GSTO2: variants seen among roughly 807,000 people sequenced by gnomAD.
GSTO2 encodes glutathione S-transferase omega-2.
In GSTO2, 23 loss-of-function variants were observed where a neutral mutation model predicts 28.4. The ratio of observed to expected loss-of-function variants is 0.81; its 90% CI spans 0.58 to 1.15. The LOEUF is 1.15. Ranked by LOEUF, GSTO2 falls within the 50% of genes most tolerant of loss-of-function variation. The pLI is 0.00. For synonymous variants in GSTO2, 109 were observed against 111.0 expected (o/e 0.98, Z 0.11); for missense variants, 298 against 297.8 (o/e 1.00, Z 0.00).
At position 104,297,676 on chromosome 10, in the gene GSTO2, G is replaced by A; in HGVS notation, c.567G>A (p.Gly189=). 6.2e-7 allele frequency: 1 copy of A among 1,607,476 alleles called. No individual in the cohort carries two copies. The highest frequency in any genetic ancestry group is 1.1e-5 in the South Asian group (1 of 90,938). The change falls in exon 6 of 7, where the codon GGG becomes GGA. Residue 189 remains glycine (G), a synonymous_variant. Coordinates refer to ENST00000338595, the MANE Select transcript of GSTO2 (RefSeq NM_183239.2). ...GGTTTGAGCGGCTGGATGTGTATGG[G>A]ATACTGGAGTAAGACATTTGACATT... ...WPWFERLDVY[G]ILDCVSHTPA... is the part of the protein sequence containing the mutation.
Position 104,278,198 on chromosome 10 carries a change from T to C in GSTO2, c.366+82T>C, listed in dbSNP as rs1589859652. Reference sequence around the variant, plus strand: ...AACCTCAACCCATTTTAAAGCCAAATCATTGGTGAAACTGTTTTGTTTTGA... The same window carrying C: ...AACCTCAACCCATTTTAAAGCCAAACCATTGGTGAAACTGTTTTGTTTTGA... On this transcript the variant is annotated intron_variant, in intron 4 of 6. Coordinates refer to ENST00000338595, the MANE Select transcript of GSTO2 (RefSeq NM_183239.2). The C allele has an allele frequency of 6.8e-6, 7 of 1,031,968 alleles. No individual in the cohort carries two copies. In the East Asian group the frequency reaches 1.8e-4, roughly 26 times the overall value. The allele number at this position is 1,031,968 out of a possible 1,614,324, so 63.9% of individuals were successfully genotyped here.
At position 104,303,077 on chromosome 10, in the gene GSTO2, T is replaced by TTA. The variant is rs1355954534; in HGVS notation, c.*3795_*3796dup. The TTA allele has an allele frequency of 6.6e-6, 1 of 152,248 alleles. No individual in the cohort carries two copies. The highest frequency in any genetic ancestry group is 2.4e-5 in the African/African-American group (1 of 41,462). 9.4% of individuals were successfully genotyped at this position (152,248 alleles called of 1,614,324 possible). ...AGATATTAAGTCTAGTATCCATTAG[T>TTA]TATTTTTCCTGATCCTCTCCCTCCT... is the stretch of plus-strand genomic sequence containing the variant. On this transcript the variant is annotated 3_prime_UTR_variant, in exon 7 of 7. Coordinates refer to ENST00000338595, the MANE Select transcript of GSTO2 (RefSeq NM_183239.2).
chr10:104,286,605 A>G (rs1253393693), intron 5 of GSTO2, among the ~76,000 whole-genome samples: 2 of 152,130 alleles, frequency 1.3e-5, no homozygotes, highest in African/African-American at 4.8e-5. Context: ...CTAACATGCC[A>G]TTTTAGTTGT....
At position 104,297,673 on chromosome 10, in the gene GSTO2, T is replaced by C; in HGVS notation, c.564T>C (p.Tyr188=). ...CCTGGTTTGAGCGGCTGGATGTGTA[T>C]GGGATACTGGAGTAAGACATTTGAC... ...LWPWFERLDV[Y]GILDCVSHTP... Residue 188 remains tyrosine (Y), a synonymous_variant, in exon 6 of 7, where the codon TAT becomes TAC. Coordinates refer to ENST00000338595, the MANE Select transcript of GSTO2 (RefSeq NM_183239.2). 3.7e-6 allele frequency: 6 copies of C among 1,609,500 alleles called. No individual in the cohort carries two copies. Among genetic ancestry groups the C allele is most frequent in the Non-Finnish European group, 5.1e-6 (6 of 1,175,858 alleles).
At chr10:104,288,586 C>A (rs1055399408) in intron 5 of GSTO2, 1 of 152,198 alleles carries the variant, frequency 6.6e-6, no homozygotes, top group African/African-American at 2.4e-5. Context: ...TGTGGAGATA[C>A]ACTGTAGTTC....
chr10:104,298,288 C>T (rs529503023), intron 6 of GSTO2, among the ~76,000 whole-genome samples: 59 of 152,302 alleles, frequency 3.9e-4, no homozygotes, highest in Middle Eastern at 6.8e-3. Context: ...CGTGTGCGGA[C>T]GTCCACCCTA....
rs370900312 is a variant in GSTO2, at chr10:104,297,584, G to C, written c.475G>C (p.Glu159Gln). Residue 159 changes from glutamate to glutamine, a missense_variant, in exon 6 of 7, where the codon GAG becomes CAG. Transcript: ENST00000338595. ...GCTTTGTTTCCATTTTTAGATTCTT[G>C]AGTATCAGAACACCACCTTCTTTGG... is the stretch of plus-strand genomic sequence containing the variant. ...QEFSNLEEIL[E>Q]YQNTTFFGGT... 2 of 1,606,958 alleles carry C rather than the reference G, an allele frequency of 1.2e-6. No homozygotes were observed. Among genetic ancestry groups the C allele is most frequent in the African/African-American group, 2.7e-5 (2 of 74,784 alleles).
At chr10:104,296,330 A>G (rs11818492) in intron 5 of GSTO2, 13 of 152,116 alleles carry the variant, frequency 8.5e-5, no homozygotes, top group Non-Finnish European at 1.9e-4. Context: ...TGATAGAAAC[A>G]CAGAGTTGGG....
rs1238102622 is a variant in GSTO2 at position 104,274,871 on chromosome 10, G to T, written c.-45G>T. On this transcript the variant is annotated 5_prime_UTR_variant, in exon 2 of 7. Transcript: ENST00000338595. Reference sequence around the variant, plus strand: ...TGCGGCAGCGGTGGCGAGCCACAGGGCGGCGACCGTGAGCTCCGGGAGCTG... The same window carrying T: ...TGCGGCAGCGGTGGCGAGCCACAGGTCGGCGACCGTGAGCTCCGGGAGCTG... 1 of 1,593,052 alleles carries T rather than the reference G, an allele frequency of 6.3e-7. No individual in the cohort carries two copies. The highest frequency in any genetic ancestry group is 1.3e-5 in the African/African-American group (1 of 74,480).
At chr10:104,296,613 T>TAAAAAAAAAAAAAAAA (rs11347549) in intron 5 of GSTO2, 1 of 66,518 alleles carries the variant, frequency 1.5e-5, no homozygotes, top group Non-Finnish European at 2.8e-5. Flanking sequence ...AGACCCTATC[T>TAAAAAAAAAAAAAAAA]AAAAAAAAAA....
intron 5 of GSTO2, among the ~76,000 whole-genome samples, chr10:104,290,995 G>A (rs2012739459): frequency 2.0e-5 from 3 of 152,120 alleles, no homozygotes; most frequent in Admixed American, 1.3e-4. Flanking sequence ...ACCAAAATAT[G>A]TACCCCATAA....
chr10:104,292,675 C>T (rs894378570), intron 5 of GSTO2, among the ~76,000 whole-genome samples: 1 of 152,078 alleles, frequency 6.6e-6, no homozygotes, highest in African/African-American at 2.4e-5. Context: ...ACGCTAGTCT[C>T]GAACTCCTGG....
intron 5 of GSTO2, among the ~76,000 whole-genome samples, chr10:104,282,996 A>C (rs745592474): frequency 6.6e-6 from 1 of 152,168 alleles, no homozygotes; most frequent in Non-Finnish European, 1.5e-5. Context: ...TTAAAAGAGA[A>C]AGAAAAAGAA....
Position 104,301,283 on chromosome 10 carries a change from T to G in GSTO2, c.*1999T>G, listed in dbSNP as rs2013249644. 1 of 152,214 alleles carries G rather than the reference T, an allele frequency of 6.6e-6. No homozygotes were observed. Among genetic ancestry groups the G allele is most frequent in the Non-Finnish European group, 1.5e-5 (1 of 68,044 alleles). 9.4% of individuals were successfully genotyped at this position (152,214 alleles called of 1,614,324 possible). On this transcript the variant is annotated 3_prime_UTR_variant, in exon 7 of 7. Coordinates refer to ENST00000338595, the MANE Select transcript of GSTO2 (RefSeq NM_183239.2). Reference sequence around the variant, plus strand: ...GCTCACCAAAATGAAGGTGTTCTCTTTTGGGGCTCCGCACACTAATTTAGA... The same window carrying G: ...GCTCACCAAAATGAAGGTGTTCTCTGTTGGGGCTCCGCACACTAATTTAGA...
intron 5 of GSTO2, among the ~76,000 whole-genome samples, chr10:104,281,107 A>G (rs191142144): frequency 1.3e-5 from 2 of 152,296 alleles, no homozygotes; most frequent in Non-Finnish European, 2.9e-5. Context: ...TTATTTTGAA[A>G]TGTGTGTTCC....
chr10:104,282,404 G>A (rs575569599), intron 5 of GSTO2, among the ~76,000 whole-genome samples: 22 of 151,730 alleles, frequency 1.4e-4, no homozygotes, highest in Non-Finnish European at 2.9e-4. Flanking sequence ...AATACAAAAT[G>A]TTAGCTTGGC....
chr10:104,277,322 T>C (rs2011691809), intron 3 of GSTO2, among the ~76,000 whole-genome samples: 1 of 151,932 alleles, frequency 6.6e-6, no homozygotes, highest in East Asian at 1.9e-4. Flanking sequence ...TGGAGTTTCT[T>C]GCCCAGGCTG....
intron 5 of GSTO2, 47 bp from the exon 6 acceptor site, chr10:104,297,531 C>T: frequency 8.3e-7 from 1 of 1,200,768 alleles, no homozygotes; most frequent in Non-Finnish European, 1.2e-6. Context: ...ATAAACATGT[C>T]AGCAGATATA....
At chr10:104,297,442 TCTC>T (rs2013091062) in intron 5 of GSTO2, 133 bp from the exon 6 acceptor site, 1 of 566,644 alleles carries the variant, frequency 1.8e-6, no homozygotes, top group Non-Finnish European at 3.2e-6. Context: ...GAAGAAGCAT[TCTC>T]CTAACCAGAG....
Sources: gnomAD v4.1 joint callset for allele counts (sites outside exome capture counted in the v4.1 genomes callset) on GRCh38, gnomAD v4.1.1 for gene constraint, MANE v1.5 for transcripts, NCBI Gene and HGNC (gene_info 2026-07-23, HGNC 2026-07-21) for gene names.